SHOX2: variants seen among roughly 807,000 people sequenced by gnomAD.
SHOX2 encodes the protein short stature homeobox protein 2.
SHOX2 carries 13 observed loss-of-function variants against 31.3 expected under a neutral mutation model. The ratio of observed to expected loss-of-function variants is 0.42; its 90% CI spans 0.27 to 0.66. The LOEUF (loss-of-function observed/expected upper bound fraction) is 0.66, where lower values mean the gene tolerates loss of function less well. Ranked by LOEUF, SHOX2 falls within the 30% of genes least tolerant of loss-of-function variation. SHOX2 has a pLI of 0.27. For missense variants in SHOX2, 473 were observed against 443.0 expected (o/e 1.07, Z -0.61); for synonymous variants, 244 against 196.2 (o/e 1.24, Z -2.04).
At chr3:158,105,599 G>T in intron 1 of SHOX2, 80 bp downstream of exon 1, 3 of 1,308,496 alleles carry the variant, frequency 2.3e-6, no homozygotes, top group Non-Finnish European at 3.1e-6. Flanking sequence ...TCCCCGCTGG[G>T]CCTCGGAGTC....
intron 1 of SHOX2, chr3:158,104,085 T>C (rs558839060): frequency 6.6e-6 from 1 of 152,418 alleles, no homozygotes; most frequent in Non-Finnish European, 1.5e-5. Context: ...TTGCAGTTCT[T>C]CCCAGCGCAG....
Position 158,102,745 on chromosome 3 carries a change from TG to T in SHOX2, c.487del (p.His163ThrfsTer11). 6.2e-7 allele frequency: 1 copy of T among 1,614,052 alleles called. No individual in the cohort carries two copies. Among genetic ancestry groups the T allele is most frequent in the Non-Finnish European group, 8.5e-7 (1 of 1,180,032 alleles). On this transcript the variant is annotated frameshift_variant, in exon 2 of 5. Coordinates refer to ENST00000483851, the MANE Select transcript of SHOX2 (RefSeq NM_001163678.2). LOFTEE classifies it high-confidence loss of function. ...NELERLFDET[H>X]YPDAFMREEL... The stretch of plus-strand genomic sequence containing the variant: ...CTCTCGCATGAAGGCGTCGGGATAG[TG>T]GGTCTCGTCAAAAAGCCTCTCCAGC...
At chr3:158,102,944 G>T in intron 1 of SHOX2, 58 bp from the exon 2 acceptor site, 1 of 1,282,346 alleles carries the variant, frequency 7.8e-7, no homozygotes, top group Non-Finnish European at 1.1e-6. Flanking sequence ...ACACACACAC[G>T]CACACACACA....
intron 2 of SHOX2, among the ~76,000 whole-genome samples, chr3:158,101,254 T>C (rs931807486): frequency 6.6e-6 from 1 of 152,222 alleles, no homozygotes; most frequent in Non-Finnish European, 1.5e-5. Flanking sequence ...CATTGGTATG[T>C]TTTTGAAAGC....
intron 4 of SHOX2, 89 bp downstream of exon 4, chr3:158,099,771 G>A: frequency 1.1e-6 from 1 of 939,948 alleles, no homozygotes; most frequent in Non-Finnish European, 1.7e-6. Flanking sequence ...ATTGACATCT[G>A]GGCTCAGAGA....
intron 3 of SHOX2, 79 bp from the exon 4 acceptor site, chr3:158,100,027 A>G: frequency 8.2e-7 from 1 of 1,218,946 alleles, no homozygotes; most frequent in Non-Finnish European, 1.2e-6. Context: ...TACAAGACAG[A>G]ACGAATTCCT....
chr3:158,103,338 C>G (rs1017166599), intron 1 of SHOX2: 19 of 231,186 alleles, frequency 8.2e-5, no homozygotes, highest in African/African-American at 1.4e-4. Flanking sequence ...ACTGGCCTCT[C>G]ACACCGGCCA....
chr3:158,105,205 CG>C, intron 1 of SHOX2: 2 of 881,302 alleles, frequency 2.3e-6, no homozygotes, highest in South Asian at 2.8e-5. Context: ...GGGGTCTTGG[CG>C]GCCCCAAACA....
At chr3:158,105,310 T>G in intron 1 of SHOX2, 1 of 598,974 alleles carries the variant, frequency 1.7e-6, no homozygotes. Flanking sequence ...CGCCGTCTGG[T>G]TCAGCACCCC....
At chr3:158,098,401 G>A (rs766509878) in intron 4 of SHOX2, 117 bp from the exon 5 acceptor site, 105 of 1,284,022 alleles carry the variant, frequency 8.2e-5, no homozygotes, top group Non-Finnish European at 1.1e-4. Context: ...GTTTGGGCAC[G>A]GGGAGAGGGC....
chr3:158,099,727 T>C, intron 4 of SHOX2, 133 bp downstream of exon 4: 1 of 706,742 alleles, frequency 1.4e-6, no homozygotes, highest in Non-Finnish European at 2.4e-6. Context: ...GGGTCCACTA[T>C]ATCATCTCAA....
chr3:158,097,993 CG>C lies in SHOX2; in HGVS notation c.*33del. On this transcript the variant is annotated 3_prime_UTR_variant, in exon 5 of 5. Coordinates refer to ENST00000483851, the MANE Select transcript of SHOX2 (RefSeq NM_001163678.2). ...CGGAGGGCGTGCAGGCTGAGTGCCG[CG>C]GGACAGGCGCGACATTGGTGCTGGC... is the stretch of plus-strand genomic sequence containing the variant. 6.4e-7 allele frequency: 1 copy of C among 1,557,710 alleles called. No homozygotes were observed. Among genetic ancestry groups the C allele is most frequent in the Non-Finnish European group, 8.7e-7 (1 of 1,150,920 alleles).
Position 158,105,792 on chromosome 3 carries a change from A to G in SHOX2, c.233T>C (p.Val78Ala). The stretch of plus-strand genomic sequence containing the variant: ...TCCTCCGCCTGCTCCTCCTCCTCCT[A>G]CACCTCCTCCGCCTCCTCCGCCGCC... ...GGGGGGGGGG[V>A]GGGGAGGGAG... The change falls in exon 1 of 5, where the codon GTA becomes GCA. Residue 78 changes from valine to alanine, a missense_variant. Transcript: ENST00000483851. 2 of 1,466,070 alleles carry G rather than the reference A, an allele frequency of 1.4e-6. No homozygotes were observed. Among genetic ancestry groups the G allele is most frequent in the Non-Finnish European group, 1.8e-6 (2 of 1,111,974 alleles). 90.8% of individuals were successfully genotyped at this position (1,466,070 alleles called of 1,614,324 possible). A position where few individuals can be genotyped will look rare whatever the true frequency, so the allele number is the denominator to read the frequency against.
chr3:158,104,759 T>C (rs1201077735), intron 1 of SHOX2, among the ~76,000 whole-genome samples: 1 of 152,214 alleles, frequency 6.6e-6, no homozygotes, highest in Non-Finnish European at 1.5e-5. Flanking sequence ...CATAAACAAC[T>C]TAATTGCTTG....
chr3:158,099,773 G>T, intron 4 of SHOX2, 87 bp downstream of exon 4: 1 of 956,348 alleles, frequency 1.0e-6, no homozygotes. Flanking sequence ...TGACATCTGG[G>T]CTCAGAGACA....
chr3:158,105,040 C>G (rs772301393), intron 1 of SHOX2: 13 of 456,020 alleles, frequency 2.9e-5, no homozygotes, highest in Middle Eastern at 6.6e-4. Context: ...CCGCCCCCCC[C>G]CCCCGCCCCC....
chr3:158,099,773 G>A, intron 4 of SHOX2, 87 bp downstream of exon 4: 1 of 956,350 alleles, frequency 1.0e-6, no homozygotes, highest in Non-Finnish European at 1.7e-6. Context: ...TGACATCTGG[G>A]CTCAGAGACA....
Position 158,105,894 on chromosome 3 carries a change from G to A in SHOX2, c.131C>T (p.Thr44Ile). 2 of 1,582,284 alleles carry A rather than the reference G, an allele frequency of 1.3e-6. No homozygotes were observed. Among genetic ancestry groups the A allele is most frequent in the Non-Finnish European group, 1.7e-6 (2 of 1,166,352 alleles). The change falls in exon 1 of 5, where the codon ACC (threonine) becomes ATC (isoleucine). Residue 44 changes from threonine (T) to isoleucine (I), a missense_variant. Thr to Ile is a moderately conservative substitution (Grantham distance 89). This residue lies in a region of SHOX2 where 276 missense variants were observed against 230.0 expected (regional missense o/e 1.20). Transcript: ENST00000483851. ...GCTGCGGTCGTCGCGGCCCGCCTCG[G>A]TGCAGCCGGTCGGCTCCTTGGCCCC... ...LRGAKEPTGCTEAGRDDRSSP... is the reference protein window; with the variant it reads ...LRGAKEPTGCIEAGRDDRSSP...
intron 1 of SHOX2, among the ~76,000 whole-genome samples, chr3:158,104,469 T>C (rs977928509): frequency 5.3e-5 from 8 of 152,272 alleles, no homozygotes; most frequent in African/African-American, 1.9e-4. Flanking sequence ...TTGTCCTTTC[T>C]TTAGGAAGGA....
Sources: gnomAD v4.1 joint callset for allele counts (sites outside exome capture counted in the v4.1 genomes callset) on GRCh38, gnomAD v4.1.1 for gene constraint, gnomAD v4.1.1 regional missense constraint, MANE v1.5 for transcripts, NCBI Gene and HGNC (gene_info 2026-07-23, HGNC 2026-07-21) for gene names.